The following RNF121 variants were observed in gnomAD, a reference collection of about 807,000 sequenced individuals.
The protein encoded by RNF121 is ring finger protein 121.
Under a neutral mutation model 46.5 loss-of-function variants are expected in RNF121, and 21 were observed. The ratio of observed to expected loss-of-function variants is 0.45; its 90% confidence interval spans 0.32 to 0.65. The LOEUF is 0.65. Among genes scored for constraint, RNF121 ranks in the 30% least tolerant of loss-of-function variants. RNF121 has a pLI of 0.04. For synonymous variants in RNF121, 139 were observed against 144.7 expected, an observed-to-expected ratio of 0.96 and a Z score of 0.28; for missense variants, 346 against 416.0, an observed-to-expected ratio of 0.83 and a Z score of 1.46.
intron 4 of RNF121, 37 bp downstream of exon 4, chr11:71,982,952 C>A: frequency 6.4e-7 from 1 of 1,554,188 alleles, no homozygotes; most frequent in Admixed American, 2.0e-5. Flanking sequence ...CCAGGTTTTC[C>A]GAAGCTAATG....
At chr11:71,971,226 A>G (rs1211521726) in intron 3 of RNF121, among the ~76,000 whole-genome samples, 1 of 152,094 alleles carries the variant, frequency 6.6e-6, no homozygotes, top group Non-Finnish European at 1.5e-5. Context: ...TCTACAAAAA[A>G]TAAAAAAATT....
At chr11:71,990,754 C>T (rs375655059) in intron 6 of RNF121, 37 bp downstream of exon 6, 53 of 1,610,172 alleles carry the variant, frequency 3.3e-5, no homozygotes, top group Admixed American at 1.7e-5. Context: ...TGCTTCTTGA[C>T]ACCTCCAAAT....
intron 3 of RNF121, among the ~76,000 whole-genome samples, chr11:71,973,457 C>T (rs1018319167): frequency 3.3e-5 from 5 of 152,092 alleles, no homozygotes; most frequent in Admixed American, 1.3e-4. Context: ...TGCCACTGCA[C>T]TCCAGCCTGG....
At chr11:71,985,339 C>G (rs1954751875) in intron 4 of RNF121, among the ~76,000 whole-genome samples, 1 of 152,128 alleles carries the variant, frequency 6.6e-6, no homozygotes, top group Non-Finnish European at 1.5e-5. Flanking sequence ...CAGGGTTTTC[C>G]TGTTTTACAA....
intron 1 of RNF121, among the ~76,000 whole-genome samples, chr11:71,939,709 A>G (rs1456972539): frequency 6.6e-6 from 1 of 152,210 alleles, no homozygotes; most frequent in African/African-American, 2.4e-5. Context: ...ATACAACCTC[A>G]TGTCTTCATG....
At chr11:71,929,217 G>C in intron 1 of RNF121, 93 bp downstream of exon 1, 1 of 1,478,996 alleles carries the variant, frequency 6.8e-7, no homozygotes, top group Non-Finnish European at 9.0e-7. Flanking sequence ...GGAGAGAAGG[G>C]AAAGATCCTG....
intron 4 of RNF121, among the ~76,000 whole-genome samples, chr11:71,985,530 G>T (rs1339214481): frequency 6.6e-6 from 1 of 152,112 alleles, no homozygotes; most frequent in African/African-American, 2.4e-5. Flanking sequence ...TGTTCTTTAA[G>T]ACAACACTAG....
chr11:71,937,614 T>G (rs1389704182), intron 1 of RNF121, among the ~76,000 whole-genome samples: 1 of 152,258 alleles, frequency 6.6e-6, no homozygotes, highest in African/African-American at 2.4e-5. Flanking sequence ...CTATTCCTTC[T>G]TTGAATGCCT....
At chr11:71,974,548 C>G (rs1226945978) in intron 3 of RNF121, among the ~76,000 whole-genome samples, 1 of 152,142 alleles carries the variant, frequency 6.6e-6, no homozygotes, top group Non-Finnish European at 1.5e-5. Context: ...AAGTGATTTG[C>G]TGGGAACACA....
At chr11:71,994,585 A>AG in intron 6 of RNF121, 134 bp from the exon 7 acceptor site, 1 of 954,952 alleles carries the variant, frequency 1.0e-6, no homozygotes, top group African/African-American at 1.7e-5. Context: ...AAAAAAAAAA[A>AG]GATGTCCTCT....
chr11:71,976,979 G>T (rs999505624), intron 3 of RNF121, among the ~76,000 whole-genome samples: 1 of 152,056 alleles, frequency 6.6e-6, no homozygotes, highest in African/African-American at 2.4e-5. Flanking sequence ...GCTTTGTGCT[G>T]TCCACAGTTG....
At position 71,940,945 on chromosome 11, in the gene RNF121, T is replaced by C. The variant is rs76757342; in HGVS notation, c.63+11821T>C. Among the ~76,000 whole-genome samples the C allele has an allele frequency of 3.7e-4, 57 of 152,382 alleles. No individual in the cohort carries two copies. The East Asian group carries it at 0.01, about 28-fold the overall frequency. On this transcript the variant is annotated intron_variant, in intron 1 of 8. Transcript: ENST00000361756. ...AGTGGTCCAGCAAAATGAAAAGATA[T>C]GCAAGGCTTGGAGACGTTAAACAGC... is the stretch of plus-strand genomic sequence containing the variant.
intron 4 of RNF121, among the ~76,000 whole-genome samples, chr11:71,985,364 C>T (rs981752418): frequency 2.0e-5 from 3 of 152,148 alleles, no homozygotes; most frequent in Non-Finnish European, 4.4e-5. Context: ...AATCACCTCT[C>T]TTGTCTCAAA....
chr11:71,986,984 A>T lies in RNF121; in HGVS notation c.399-20A>T, dbSNP rs1237098717. ...CAGAATCTCTGTGTCAGCTGCACTA[A>T]CCTTCTCTCCTTTCCCCAGGTTGGT... On this transcript the variant is annotated intron_variant, in intron 4 of 8. Coordinates refer to ENST00000361756, the MANE Select transcript of RNF121 (RefSeq NM_018320.5). 1 of 1,433,886 alleles carries T rather than the reference A, an allele frequency of 7.0e-7. No homozygotes were observed. The highest frequency in any genetic ancestry group is 9.8e-7 in the Non-Finnish European group (1 of 1,016,164). 88.8% of individuals were successfully genotyped at this position (1,433,886 alleles called of 1,614,324 possible). A position where few individuals can be genotyped will look rare whatever the true frequency, so the allele number is the denominator to read the frequency against.
chr11:71,969,589 G>T (rs574277687), intron 3 of RNF121, among the ~76,000 whole-genome samples: 4 of 152,208 alleles, frequency 2.6e-5, no homozygotes, highest in Non-Finnish European at 2.9e-5. Context: ...TTGAGACAGG[G>T]TCTTTCTCTG....
In RNF121 at chr11:71,979,028, A is replaced by T. The variant is rs1192537939; in HGVS notation, c.244-3733A>T. Among the ~76,000 whole-genome samples the T allele has an allele frequency of 2.0e-5, 3 of 152,180 alleles. 1 individual carries two copies. On this transcript the variant is annotated intron_variant, in intron 3 of 8. Transcript: ENST00000361756. ...TCATTGAAATTAGGGTTTGATTTAG[A>T]TCTTTTTCCTGCAGCTAGCCTGGTA...
chr11:71,974,711 G>A (rs964587455), intron 3 of RNF121, among the ~76,000 whole-genome samples: 1 of 152,092 alleles, frequency 6.6e-6, no homozygotes, highest in African/African-American at 2.4e-5. Flanking sequence ...CTTATTTAAC[G>A]ACTTTTGCCC....
chr11:71,946,565 G>A lies in RNF121; in HGVS notation c.64-10662G>A, dbSNP rs547667528. On this transcript the variant is annotated intron_variant, in intron 1 of 8. Coordinates refer to ENST00000361756, the MANE Select transcript of RNF121 (RefSeq NM_018320.5). The stretch of plus-strand genomic sequence containing the variant: ...TCATTTGTATGAAAGGTCCAGAAAA[G>A]GCAAATATATAGCAGTATAAAAGAA... Among the ~76,000 whole-genome samples the A allele has an allele frequency of 3.0e-3, 453 of 151,836 alleles. 2 individuals are homozygous for A. Among genetic ancestry groups the A allele is most frequent in the African/African-American group, 0.011 (436 of 41,384 alleles).
chr11:71,996,438 C>G lies in RNF121; in HGVS notation c.*123C>G. 1 of 1,230,996 alleles carries G rather than the reference C, an allele frequency of 8.1e-7. No homozygotes were observed. Among genetic ancestry groups the G allele is most frequent in the Non-Finnish European group, 1.1e-6 (1 of 894,184 alleles). The allele number at this position is 1,230,996 out of a possible 1,614,324, so 76.3% of individuals were successfully genotyped here. A position where few individuals can be genotyped will look rare whatever the true frequency, so the allele number is the denominator to read the frequency against. On this transcript the variant is annotated 3_prime_UTR_variant, in exon 9 of 9. Coordinates refer to ENST00000361756, the MANE Select transcript of RNF121 (RefSeq NM_018320.5). ...AAGGGGTGCTTGGGCCACTCAGGACCCCTCTGGCTGTGTCGGACTGGGGAG... is the reference window on the plus strand; with the variant it reads ...AAGGGGTGCTTGGGCCACTCAGGACGCCTCTGGCTGTGTCGGACTGGGGAG...
Sources: allele counts gnomAD v4.1 joint callset (sites outside exome capture counted in the v4.1 genomes callset), GRCh38; gene constraint gnomAD v4.1.1; transcripts MANE v1.5; gene names NCBI Gene and HGNC (gene_info 2026-07-23, HGNC 2026-07-21).